Variants in SERPINB10 observed in about 807,000 individuals in gnomAD.
SERPINB10 encodes serpin B10.
A neutral mutation model predicts 39.1 loss-of-function variants in SERPINB10; 35 were observed. The observed-to-expected ratio is 0.90, with a 90% CI of 0.68 to 1.19. The LOEUF (loss-of-function observed/expected upper bound fraction) is 1.19, where lower values mean the gene tolerates loss of function less well. SERPINB10 is among the 50% of genes most tolerant of loss of function. SERPINB10 has a pLI of 0.00. For missense variants in SERPINB10, 546 were observed against 460.5 expected, an observed-to-expected ratio of 1.19 and a Z score of -1.70; for synonymous variants, 190 against 158.1, an observed-to-expected ratio of 1.20 and a Z score of -1.52.
chr18:63,923,230 G>A (rs1227426910), intron 5 of SERPINB10, among the ~76,000 whole-genome samples: 1 of 151,978 alleles, frequency 6.6e-6, no homozygotes, highest in Admixed American at 6.6e-5. Context: ...GAGGGAGAAA[G>A]CTGTAATCCT....
chr18:63,922,026 A>G (rs1355910680), intron 5 of SERPINB10, among the ~76,000 whole-genome samples: 1 of 151,818 alleles, frequency 6.6e-6, no homozygotes, highest in African/African-American at 2.4e-5. Context: ...CTTTACTTTG[A>G]CACTTACCAC....
rs1282031512 is a variant in SERPINB10 at position 63,935,033 on chromosome 18, A to G, written c.985A>G (p.Arg329Gly). ...KADFSGMSSA[R>G]NLFLSNVFHK... The stretch of plus-strand genomic sequence containing the variant: ...TGATTTCTCAGGAATGTCTTCAGCA[A>G]GAAACCTATTTTTGTCCAATGTTTT... The change falls in exon 8 of 8, where the codon AGA becomes GGA. Residue 329 changes from arginine (R) to glycine (G), a missense_variant. Transcript: ENST00000238508. 2.5e-6 allele frequency: 4 copies of G among 1,614,258 alleles called. No individual in the cohort carries two copies. The highest frequency in any genetic ancestry group is 1.7e-5 in the Admixed American group (1 of 60,028).
At chr18:63,925,818 C>A (rs2097315611) in intron 5 of SERPINB10, among the ~76,000 whole-genome samples, 1 of 151,824 alleles carries the variant, frequency 6.6e-6, no homozygotes, top group African/African-American at 2.4e-5. Context: ...TGGACAAAAG[C>A]CTGATGGGAA....
chr18:63,930,843 A>T (rs9951724), intron 6 of SERPINB10, among the ~76,000 whole-genome samples: 62,666 of 151,986 alleles, frequency 0.41, 15,798 homozygotes, highest in African/African-American at 0.71. Context: ...TCTAGAGACC[A>T]GTTGGAAAAT....
At chr18:63,915,135 G>C (rs1203396156) in intron 1 of SERPINB10, among the ~76,000 whole-genome samples, 1 of 152,046 alleles carries the variant, frequency 6.6e-6, no homozygotes, top group African/African-American at 2.4e-5. Flanking sequence ...AGAATATTTT[G>C]CTCTCAATAA....
Position 63,915,507 on chromosome 18 carries a change from C to T in SERPINB10, c.-4C>T. 4 of 1,589,464 alleles carry T rather than the reference C, an allele frequency of 2.5e-6. No homozygotes were observed. The highest frequency in any genetic ancestry group is 3.4e-6 in the Non-Finnish European group (4 of 1,166,692). ...TTTTGCTTTATTTTTCTTAGGTTTC[C>T]TCAATGGACTCTCTAGCAACATCAA... is the stretch of plus-strand genomic sequence containing the variant. On this transcript the variant is annotated 5_prime_UTR_variant, in exon 2 of 8. Coordinates refer to ENST00000238508, the MANE Select transcript of SERPINB10 (RefSeq NM_005024.3).
At chr18:63,914,928 GACAA>G (rs1289833402) in intron 1 of SERPINB10, among the ~76,000 whole-genome samples, 5 of 152,152 alleles carry the variant, frequency 3.3e-5, no homozygotes, top group African/African-American at 1.2e-4. Context: ...TGAGAATAAA[GACAA>G]ACAGTCTTAA....
intron 6 of SERPINB10, among the ~76,000 whole-genome samples, chr18:63,932,045 A>G (rs1370538830): frequency 6.6e-6 from 1 of 152,198 alleles, no homozygotes; most frequent in Non-Finnish European, 1.5e-5. Context: ...TTCACTATGA[A>G]TTTAATGTTC....
intron 5 of SERPINB10, among the ~76,000 whole-genome samples, chr18:63,922,034 C>A (rs971396220): frequency 1.3e-5 from 2 of 151,890 alleles, no homozygotes; most frequent in Non-Finnish European, 2.9e-5. Flanking sequence ...TGACACTTAC[C>A]ACACTGTTAT....
At chr18:63,913,201 T>A (rs1217677032) in intron 1 of SERPINB10, among the ~76,000 whole-genome samples, 2 of 151,986 alleles carry the variant, frequency 1.3e-5, no homozygotes, top group African/African-American at 4.8e-5. Context: ...AGTCTATCAA[T>A]CATGTTTATA....
chr18:63,908,912 A>G (rs1451385828), intron 1 of SERPINB10, among the ~76,000 whole-genome samples: 2 of 152,080 alleles, frequency 1.3e-5, no homozygotes, highest in Non-Finnish European at 2.9e-5. Context: ...AATCTTAAAC[A>G]CAATGAGATA....
intron 6 of SERPINB10, among the ~76,000 whole-genome samples, chr18:63,931,026 G>A (rs991209868): frequency 1.3e-5 from 2 of 152,148 alleles, no homozygotes; most frequent in Non-Finnish European, 2.9e-5. Flanking sequence ...ACACATAATC[G>A]AGTAGGTTAA....
intron 7 of SERPINB10, among the ~76,000 whole-genome samples, chr18:63,933,416 T>C (rs2144741149): frequency 6.6e-6 from 1 of 152,296 alleles, no homozygotes; most frequent in East Asian, 1.9e-4. Flanking sequence ...AAATTAATAT[T>C]ACTGTTCCTC....
At chr18:63,916,791 G>A (rs1026471788) in intron 2 of SERPINB10, among the ~76,000 whole-genome samples, 2 of 151,974 alleles carry the variant, frequency 1.3e-5, no homozygotes, top group African/African-American at 4.8e-5. Flanking sequence ...CTTTATGTAT[G>A]GCAGGTGGCC....
chr18:63,929,428 C>T (rs1044749671), intron 5 of SERPINB10, among the ~76,000 whole-genome samples: 11 of 151,860 alleles, frequency 7.2e-5, no homozygotes, highest in African/African-American at 2.7e-4. Flanking sequence ...TTGATTTATA[C>T]TCTAAGAGTA....
At chr18:63,908,333 A>G (rs1318401904) in intron 1 of SERPINB10, among the ~76,000 whole-genome samples, 1 of 152,044 alleles carries the variant, frequency 6.6e-6, no homozygotes, top group Non-Finnish European at 1.5e-5. Flanking sequence ...TTTTACTGGG[A>G]ATTGTGAAAT....
At chr18:63,920,500 C>T (rs1334422318) in intron 5 of SERPINB10, among the ~76,000 whole-genome samples, 1 of 152,034 alleles carries the variant, frequency 6.6e-6, no homozygotes, top group East Asian at 1.9e-4. Flanking sequence ...CACTGCCATC[C>T]TCAATACATG....
chr18:63,933,299 G>T, intron 7 of SERPINB10, 96 bp downstream of exon 7: 1 of 1,333,586 alleles, frequency 7.5e-7, no homozygotes, highest in Non-Finnish European at 1.1e-6. Context: ...TCCTCAGGAA[G>T]AATGTTCTCC....
intron 5 of SERPINB10, among the ~76,000 whole-genome samples, chr18:63,925,552 G>T (rs920930069): frequency 2.6e-5 from 4 of 151,908 alleles, no homozygotes; most frequent in African/African-American, 9.7e-5. Context: ...GCAAAATCTG[G>T]AGCAATTTGT....
Sources: gnomAD v4.1 joint callset for allele counts (sites outside exome capture counted in the v4.1 genomes callset) on GRCh38, gnomAD v4.1.1 for gene constraint, MANE v1.5 for transcripts, NCBI Gene and HGNC (gene_info 2026-07-23, HGNC 2026-07-21) for gene names.